The following SNAI3 variants were observed in gnomAD, a reference collection of about 807,000 sequenced individuals.
SNAI3 encodes the protein snail family transcriptional repressor 3.
SNAI3 carries 21 observed loss-of-function variants against 16.4 expected under a neutral mutation model. The ratio of observed to expected loss-of-function variants is 1.28; its 90% confidence interval spans 0.91 to 1.85. The LOEUF is 1.85. Ranked by LOEUF, SNAI3 falls within the 40% of genes most tolerant of loss-of-function variation. SNAI3 has a pLI of 0.00. For missense variants in SNAI3, 457 were observed against 372.8 expected, an observed-to-expected ratio of 1.23 and a Z score of -1.86; for synonymous variants, 202 against 166.6, an observed-to-expected ratio of 1.21 and a Z score of -1.64.
At chr16:88,679,139 T>C in intron 2 of SNAI3, 1 of 977,524 alleles carries the variant, frequency 1.0e-6, no homozygotes, top group Non-Finnish European at 1.2e-6. Context: ...CATAGAGTCC[T>C]GAGAGACCTC....
Position 88,686,494 on chromosome 16 carries a change from G to A in SNAI3, c.-88C>T, listed in dbSNP as rs527269668. 5 of 1,546,454 alleles carry A rather than the reference G, an allele frequency of 3.2e-6. No homozygotes were observed. The highest frequency in any genetic ancestry group is 4.8e-5 in the East Asian group (2 of 41,910). Reference sequence around the variant, plus strand: ...CTGCTGCGTCCGCCGGCGCTTGAAGGGGTCAGGCTCATTAGCATAGCGCGC... The same window carrying A: ...CTGCTGCGTCCGCCGGCGCTTGAAGAGGTCAGGCTCATTAGCATAGCGCGC... On this transcript the variant is annotated 5_prime_UTR_variant, in exon 1 of 3. Transcript: ENST00000332281.
In SNAI3 at chr16:88,686,358, T is replaced by C. The variant is rs1360192444; in HGVS notation, c.49A>G (p.Asn17Asp). 5 of 1,612,240 alleles carry C rather than the reference T, an allele frequency of 3.1e-6. No homozygotes were observed. Among genetic ancestry groups the C allele is most frequent in the African/African-American group, 1.3e-5 (1 of 74,894 alleles). ...CTCTGCGTCTCCAGCCGCCGGTAGT[T>C]GGGGACCCTGTGGCTGGAGTGCGTT... ...VKTHSSHRVPNYRRLETQREI... is the reference protein window; with the variant it reads ...VKTHSSHRVPDYRRLETQREI... Residue 17 changes from asparagine to aspartate, a missense_variant, in exon 1 of 3, where the codon AAC (asparagine) becomes GAC (aspartate). Transcript: ENST00000332281.
Position 88,681,283 on chromosome 16 carries a change from GCCT to G in SNAI3, c.505_507del (p.Arg169del). On this transcript the variant is annotated inframe_deletion, in exon 2 of 3. Transcript: ENST00000332281. The surrounding 1 kb of genome is among the most constrained non-coding windows in gnomAD (Gnocchi z 5.4). ...TGCAGGTGGCAGTGCAGCTGCCGGTGCCTGGCCAGCCCGGCCAGCGTGTGGTAG... is the reference window on the plus strand; with the variant it reads ...TGCAGGTGGCAGTGCAGCTGCCGGTGGGCCAGCCCGGCCAGCGTGTGGTAG... 1 of 1,613,318 alleles carries G rather than the reference GCCT, an allele frequency of 6.2e-7. No individual in the cohort carries two copies. The highest frequency in any genetic ancestry group is 2.2e-5 in the East Asian group (1 of 44,858).
Position 88,681,682 on chromosome 16 carries a change from G to A in SNAI3, c.109C>T (p.Leu37=). ...INGACSACGG[L]VVPLLPRDKE... ...TCTCGGGGGAGGAGGGGCACCACCA[G>A]CCCCCCACAGGCAGAGCAGGCACCA... The change falls in exon 2 of 3, where the codon CTG becomes TTG. Residue 37 remains leucine, a synonymous_variant. Transcript: ENST00000332281. This position sits in a 1 kb window ranked among gnomAD's most constrained non-coding sequence, Gnocchi z 5.4. The A allele has an allele frequency of 6.8e-7, 1 of 1,476,416 alleles. No individual in the cohort carries two copies. Among genetic ancestry groups the A allele is most frequent in the Non-Finnish European group, 9.0e-7 (1 of 1,111,344 alleles). The allele number at this position is 1,476,416 out of a possible 1,614,324, so 91.5% of individuals were successfully genotyped here. A position where few individuals can be genotyped will look rare whatever the true frequency, so the allele number is the denominator to read the frequency against.
In SNAI3 at chr16:88,682,878, G is replaced by A. The variant is rs180781367; in HGVS notation, c.77-1164C>T. Among the ~76,000 whole-genome samples, 10 of 144,800 alleles carry A rather than the reference G, an allele frequency of 6.9e-5. No homozygotes were observed. The East Asian group carries it at 2.0e-3, about 28-fold the overall frequency. The allele number at this position is 144,800 out of a possible 152,430, so 95.0% of individuals were successfully genotyped here. ...TAACCTCCACCTCCTGGGTTCAAGCGATTCTCCTGCCTCAGCCTCCTGCGT... is the reference window on the plus strand; with the variant it reads ...TAACCTCCACCTCCTGGGTTCAAGCAATTCTCCTGCCTCAGCCTCCTGCGT... On this transcript the variant is annotated intron_variant, in intron 1 of 2. Coordinates refer to ENST00000332281, the MANE Select transcript of SNAI3 (RefSeq NM_178310.4).
chr16:88,678,702 C>A, intron 2 of SNAI3, 73 bp from the exon 3 acceptor site: 1 of 1,520,412 alleles, frequency 6.6e-7, no homozygotes, highest in South Asian at 1.3e-5. Flanking sequence ...CCCTGCCCAT[C>A]AATGGATACT....
chr16:88,682,788 T>TTTTTTTTTTTTTTTTTTTTTTTTTTTA (rs1413600468), intron 1 of SNAI3, among the ~76,000 whole-genome samples: 1 of 131,210 alleles, frequency 7.6e-6, no homozygotes, highest in Non-Finnish European at 1.6e-5. Flanking sequence ...TTTTTTTTTT[T>TTTTTTTTTTTTTTTTTTTTTTTTTTTA]TTTTAGAGAC....
At position 88,679,042 on chromosome 16, in the gene SNAI3, G is replaced by A. The variant is rs879299902; in HGVS notation, c.698-413C>T. On this transcript the variant is annotated intron_variant, in intron 2 of 2. Coordinates refer to ENST00000332281, the MANE Select transcript of SNAI3 (RefSeq NM_178310.4). The stretch of plus-strand genomic sequence containing the variant: ...AACCACCTCCCATCAGGACAACAGG[G>A]GATCTGGACAAAGTCCTGCTGGGAC... 4 of 985,324 alleles carry A rather than the reference G, an allele frequency of 4.1e-6. No individual in the cohort carries two copies. The African/African-American group carries it at 5.2e-5, about 13-fold the overall frequency. 61.0% of individuals were successfully genotyped at this position (985,324 alleles called of 1,614,324 possible).
Position 88,686,355 on chromosome 16 carries a change from A to G in SNAI3, c.52T>C (p.Tyr18His), listed in dbSNP as rs1909360995. Reference sequence around the variant, plus strand: ...CCTCTCTGCGTCTCCAGCCGCCGGTAGTTGGGGACCCTGTGGCTGGAGTGC... The same window carrying G: ...CCTCTCTGCGTCTCCAGCCGCCGGTGGTTGGGGACCCTGTGGCTGGAGTGC... ...KTHSSHRVPN[Y>H]RRLETQREIN... Residue 18 changes from tyrosine (Y) to histidine (H), a missense_variant, in exon 1 of 3, where the codon TAC becomes CAC. Transcript: ENST00000332281. The G allele has an allele frequency of 1.9e-6, 3 of 1,611,852 alleles. No homozygotes were observed. Among genetic ancestry groups the G allele is most frequent in the African/African-American group, 2.7e-5 (2 of 74,864 alleles).
chr16:88,682,092 C>T (rs149711254), intron 1 of SNAI3, among the ~76,000 whole-genome samples: 8 of 152,202 alleles, frequency 5.3e-5, no homozygotes, highest in Non-Finnish European at 1.0e-4. Context: ...CCACCCACCT[C>T]TGGAGGGGTC....
At chr16:88,682,229 C>T (rs560210753) in intron 1 of SNAI3, among the ~76,000 whole-genome samples, 21 of 152,340 alleles carry the variant, frequency 1.4e-4, no homozygotes, top group South Asian at 6.2e-4. Context: ...ACCCCACAGT[C>T]GCCCCTCGGG....
rs140441889 is a variant in SNAI3 at position 88,681,486 on chromosome 16, A to G, written c.305T>C (p.Ile102Thr). ...GTTCAGGCTGTCTTTGAGGGGTACA[A>G]TGGCGGCCCGGCTGGCCCGAGGGTC... ...EVDPRASRAA[I>T]VPLKDSLNHL... The change falls in exon 2 of 3, where the codon ATT (isoleucine) becomes ACT (threonine). Residue 102 changes from isoleucine (I) to threonine (T), a missense_variant. By Grantham distance (89) the Ile-to-Thr change is moderately conservative (BLOSUM62 -1). Transcript: ENST00000332281. The surrounding 1 kb of genome is among the most constrained non-coding windows in gnomAD (Gnocchi z 5.4). 1.5e-3 allele frequency: 2,278 copies of G among 1,564,734 alleles called. 2 individuals carry two copies. Among genetic ancestry groups the G allele is most frequent in the African/African-American group, 3.4e-3 (253 of 73,948 alleles).
Position 88,686,495 on chromosome 16 carries a change from G to C in SNAI3, c.-89C>G, listed in dbSNP as rs1909372072. The C allele has an allele frequency of 6.5e-6, 10 of 1,542,394 alleles. No homozygotes were observed. The highest frequency in any genetic ancestry group is 1.2e-5 in the South Asian group (1 of 85,218). ...TGCTGCGTCCGCCGGCGCTTGAAGGGGTCAGGCTCATTAGCATAGCGCGCC... is the reference window on the plus strand; with the variant it reads ...TGCTGCGTCCGCCGGCGCTTGAAGGCGTCAGGCTCATTAGCATAGCGCGCC... On this transcript the variant is annotated 5_prime_UTR_variant, in exon 1 of 3. Transcript: ENST00000332281.
In SNAI3 at chr16:88,678,036, G is replaced by T. The variant is rs564239207; in HGVS notation, c.*412C>A. On this transcript the variant is annotated 3_prime_UTR_variant, in exon 3 of 3. Coordinates refer to ENST00000332281, the MANE Select transcript of SNAI3 (RefSeq NM_178310.4). Reference sequence around the variant, plus strand: ...GGCCACAGGGCGGTGCTCACTATAAGTCAGAACTGTTCATTTCTGCTGCAA... The same window carrying T: ...GGCCACAGGGCGGTGCTCACTATAATTCAGAACTGTTCATTTCTGCTGCAA... 4.8e-4 allele frequency: 87 copies of T among 181,472 alleles called. 1 individual carries two copies. Among genetic ancestry groups the T allele is most frequent in the Middle Eastern group, 2.3e-3 (1 of 430 alleles). The allele number at this position is 181,472 out of a possible 1,614,324, so 11.2% of individuals were successfully genotyped here. A position where few individuals can be genotyped will look rare whatever the true frequency, so the allele number is the denominator to read the frequency against.
chr16:88,681,847 C>T lies in SNAI3; in HGVS notation c.77-133G>A, dbSNP rs1909185149. On this transcript the variant is annotated intron_variant, in intron 1 of 2. Coordinates refer to ENST00000332281, the MANE Select transcript of SNAI3 (RefSeq NM_178310.4). This position sits in a 1 kb window ranked among gnomAD's most constrained non-coding sequence, Gnocchi z 5.4. ...CGTGGGAGGTGTAGCCGGGAACCTG[C>T]ATGCAGACCCAGCTTGCAAGGGAGC... 3.9e-6 allele frequency: 4 copies of T among 1,034,624 alleles called. No homozygotes were observed. The African/African-American group carries it at 5.0e-5, about 13-fold the overall frequency. 64.1% of individuals were successfully genotyped at this position (1,034,624 alleles called of 1,614,324 possible).
chr16:88,678,553 C>T lies in SNAI3; in HGVS notation c.774G>A (p.Thr258=), dbSNP rs148283723. 3.0e-5 allele frequency: 25 copies of T among 822,132 alleles called. No homozygotes were observed. Among genetic ancestry groups the T allele is most frequent in the South Asian group, 2.5e-4 (19 of 75,478 alleles). The allele number at this position is 822,132 out of a possible 1,614,324, so 50.9% of individuals were successfully genotyped here. ...ACCGGTACTTCTTGGCGTCTGAGTGCGTTTGCAGATGGGCCCGAAGGTTGG... is the reference window on the plus strand; with the variant it reads ...ACCGGTACTTCTTGGCGTCTGAGTGTGTTTGCAGATGGGCCCGAAGGTTGG... The part of the protein sequence containing the change: ...DRSNLRAHLQ[T]HSDAKKYRCR... Residue 258 remains threonine (T), a synonymous_variant, in exon 3 of 3, where the codon ACG becomes ACA. Coordinates refer to ENST00000332281, the MANE Select transcript of SNAI3 (RefSeq NM_178310.4).
chr16:88,685,312 C>G (rs1461337890), intron 1 of SNAI3: 1 of 152,264 alleles, frequency 6.6e-6, no homozygotes, highest in Admixed American at 6.5e-5. Flanking sequence ...AGCTGGCACC[C>G]CCTGGTGGCA....
chr16:88,680,102 A>C (rs1909114128), intron 2 of SNAI3, among the ~76,000 whole-genome samples: 1 of 143,518 alleles, frequency 7.0e-6, no homozygotes, highest in Non-Finnish European at 1.5e-5. Flanking sequence ...AAAAAAAAAA[A>C]AGTGTGAACC....
rs147906266 is a variant in SNAI3, at chr16:88,681,392, G to A, written c.399C>T (p.His133=). The change falls in exon 2 of 3, where the codon CAC becomes CAT. Residue 133 remains histidine (H), a synonymous_variant. Coordinates refer to ENST00000332281, the MANE Select transcript of SNAI3 (RefSeq NM_178310.4). This position sits in a 1 kb window ranked among gnomAD's most constrained non-coding sequence, Gnocchi z 5.4. ...RWSPTLGPDR[H]GAPEKLLGAE... is the part of the protein sequence containing the mutation. ...CCCCAAGCAGTTTTTCCGGAGCCCC[G>A]TGCCGGTCTGGGCCCAAGGTCGGGG... 1.4e-5 allele frequency: 23 copies of A among 1,612,382 alleles called. No individual in the cohort carries two copies. In the African/African-American group the frequency reaches 1.5e-4, roughly 10 times the overall value.
Sources: gnomAD v4.1 joint callset for allele counts (sites outside exome capture counted in the v4.1 genomes callset) on GRCh38, gnomAD v4.1.1 for gene constraint, Gnocchi (gnomAD v3.1) non-coding constraint, MANE v1.5 for transcripts, NCBI Gene and HGNC (gene_info 2026-07-23, HGNC 2026-07-21) for gene names.